Variants in DOCK1 observed in about 807,000 individuals in gnomAD.
The protein encoded by DOCK1 is dedicator of cytokinesis protein 1.
Under a neutral mutation model 262.7 loss-of-function variants are expected in DOCK1, and 138 were observed. That is an observed-to-expected ratio of 0.53 (90% CI 0.46 to 0.61). The LOEUF is 0.61. DOCK1 is among the 20% of genes least tolerant of loss of function. The pLI, the probability that DOCK1 is intolerant of heterozygous loss-of-function variation, is 0.00. For synonymous variants in DOCK1, 866 were observed against 867.4 expected, an observed-to-expected ratio of 1.00 and a Z score of 0.03; for missense variants, 1,908 against 2,370.7, an observed-to-expected ratio of 0.80 and a Z score of 4.05.
chr10:127,368,460 C>T (rs35748949), intron 33 of DOCK1, among the ~76,000 whole-genome samples: 44,519 of 151,920 alleles, frequency 0.29, 6,697 homozygotes, highest in South Asian at 0.33. Flanking sequence ...CGAGACACCA[C>T]CACAGCTGCG....
intron 29 of DOCK1, among the ~76,000 whole-genome samples, chr10:127,326,377 C>G (rs2062748578): frequency 6.6e-6 from 1 of 152,214 alleles, no homozygotes; most frequent in South Asian, 2.1e-4. Context: ...AATCCTTTGT[C>G]ATTTCAACAA....
At chr10:127,170,856 C>T (rs1190545837) in intron 27 of DOCK1, among the ~76,000 whole-genome samples, 1 of 152,158 alleles carries the variant, frequency 6.6e-6, no homozygotes. Flanking sequence ...CTGAAATAAG[C>T]AGGATAATTC....
At chr10:127,352,713 C>T (rs1211041687) in intron 31 of DOCK1, among the ~76,000 whole-genome samples, 1 of 152,168 alleles carries the variant, frequency 6.6e-6, no homozygotes, top group Non-Finnish European at 1.5e-5. Context: ...CTGCCTCAGA[C>T]TCCCAAGTAG....
At chr10:127,397,133 G>T (rs1393093771) in intron 38 of DOCK1, among the ~76,000 whole-genome samples, 15 of 145,628 alleles carry the variant, frequency 1.0e-4, no homozygotes, top group African/African-American at 3.8e-4. Context: ...TATGTGATCT[G>T]AGCATCAGTT....
chr10:127,128,406 A>G (rs1378478411), intron 27 of DOCK1, among the ~76,000 whole-genome samples: 3 of 137,562 alleles, frequency 2.2e-5, no homozygotes, highest in African/African-American at 8.3e-5. Flanking sequence ...AATTTCTGGG[A>G]TACATGTGCA....
At chr10:127,114,758 TC>T (rs1467049945) in intron 25 of DOCK1, among the ~76,000 whole-genome samples, 1,263 of 101,212 alleles carry the variant, frequency 0.012, 15 homozygotes, top group African/African-American at 0.039. Flanking sequence ...TTTTTTTCTT[TC>T]TTTTTTTTTT....
chr10:126,988,379 A>C (rs1352778316), intron 5 of DOCK1: 1 of 152,230 alleles, frequency 6.6e-6, no homozygotes, highest in East Asian at 1.9e-4. Context: ...GAGAACATAG[A>C]AAACTTCCTA....
In DOCK1 at chr10:127,298,935, G is replaced by A. The variant is rs1040685705; in HGVS notation, c.3045-40071G>A. Among the ~76,000 whole-genome samples, 5 of 152,298 alleles carry A rather than the reference G, an allele frequency of 3.3e-5. No individual in the cohort carries two copies. In the East Asian group the frequency reaches 7.7e-4, roughly 24 times the overall value. On this transcript the variant is annotated intron_variant, in intron 29 of 51. Transcript: ENST00000623213. Reference sequence around the variant, plus strand: ...GGATGATCTCGAGGTGGTCCAGGGAGATGGGATAGAGTCAGCCAAGGTGTC... The same window carrying A: ...GGATGATCTCGAGGTGGTCCAGGGAAATGGGATAGAGTCAGCCAAGGTGTC...
chr10:127,361,595 C>T (rs2064453844), intron 32 of DOCK1, among the ~76,000 whole-genome samples: 1 of 151,600 alleles, frequency 6.6e-6, no homozygotes, highest in African/African-American at 2.4e-5. Flanking sequence ...GCAAACTCAT[C>T]TTCATAAGAT....
intron 1 of DOCK1, among the ~76,000 whole-genome samples, chr10:126,921,086 G>A (rs961065156): frequency 3.3e-5 from 5 of 151,874 alleles, no homozygotes; most frequent in Non-Finnish European, 7.4e-5. Flanking sequence ...TGTAATACCA[G>A]CTACTGGGGA....
In DOCK1 at chr10:127,362,099, G is replaced by C; in HGVS notation, c.3319G>C (p.Gly1107Arg). The part of the protein sequence containing the change: ...HKIKFIPEMV[G>R]PILEMTLIPE... ...GATAAAGTTCATTCCAGAAATGGTG[G>C]GCCCAATATTAGAAATGACATTAAT... Residue 1107 changes from glycine to arginine, a missense_variant, in exon 33 of 52, where the codon GGC becomes CGC. Physicochemically the swap from Gly to Arg is moderately radical, Grantham distance 125. Transcript: ENST00000623213. 1.9e-6 allele frequency: 3 copies of C among 1,612,990 alleles called. No individual in the cohort carries two copies. The highest frequency in any genetic ancestry group is 2.5e-6 in the Non-Finnish European group (3 of 1,179,620).
At chr10:126,997,699 A>G (rs1056725976) in intron 7 of DOCK1, 2 of 218,894 alleles carry the variant, frequency 9.1e-6, no homozygotes, top group South Asian at 7.8e-5. Context: ...TGTTAATTCA[A>G]CAAGTACTTA....
intron 27 of DOCK1, among the ~76,000 whole-genome samples, chr10:127,133,216 A>G (rs2050429513): frequency 6.6e-6 from 1 of 152,152 alleles, no homozygotes; most frequent in Non-Finnish European, 1.5e-5. Context: ...AATGGTATTA[A>G]TAGAATTGGT....
chr10:126,951,500 A>G (rs2036239663), intron 1 of DOCK1, among the ~76,000 whole-genome samples: 2 of 148,632 alleles, frequency 1.3e-5, no homozygotes, highest in Admixed American at 6.7e-5. Context: ...GATAGTGGTG[A>G]TGGTGGTAAT....
intron 29 of DOCK1, among the ~76,000 whole-genome samples, chr10:127,275,317 C>T (rs1273190861): frequency 1.3e-5 from 2 of 151,970 alleles, no homozygotes; most frequent in East Asian, 3.9e-4. Flanking sequence ...TAGAAATTAA[C>T]AGAGAAGTAA....
At position 126,998,122 on chromosome 10, in the gene DOCK1, C is replaced by A. The variant is rs749458340; in HGVS notation, c.640C>A (p.Gln214Lys). 6.2e-7 allele frequency: 1 copy of A among 1,613,916 alleles called. No homozygotes were observed. The highest frequency in any genetic ancestry group is 1.3e-5 in the African/African-American group (1 of 74,936). Residue 214 changes from glutamine to lysine, a missense_variant, in exon 8 of 52, where the codon CAA becomes AAA. Coordinates refer to ENST00000623213, the MANE Select transcript of DOCK1 (RefSeq NM_001290223.2). ...SQKQNIDINR[Q>K]AKFAATPSLA... is the part of the protein sequence containing the mutation. ...AAAGCAGAACATAGATATTAACAGA[C>A]AAGCCAAGTTTGCTGCAACCCCTTC... is the stretch of plus-strand genomic sequence containing the variant.
At position 127,018,724 on chromosome 10, in the gene DOCK1, T is replaced by C. The variant is rs1373737045; in HGVS notation, c.1216T>C (p.Leu406=). The C allele has an allele frequency of 3.1e-6, 5 of 1,614,044 alleles. No individual in the cohort carries two copies. Among genetic ancestry groups the C allele is most frequent in the East Asian group, 2.2e-5 (1 of 44,886 alleles). The change falls in exon 13 of 52, where the codon TTG becomes CTG. Residue 406 remains leucine, a synonymous_variant. Transcript: ENST00000623213. ...TGTTTTTCCAGGTTTGTGGGTAACA[T>C]TGAAATTACTTCCTGGAGATATCCA... ...NHKGQGLWVT[L]KLLPGDIHQI...
intron 29 of DOCK1, among the ~76,000 whole-genome samples, chr10:127,281,803 G>C (rs1225137761): frequency 6.6e-6 from 1 of 152,116 alleles, no homozygotes. Context: ...TATCAATTCA[G>C]ATGAGTAGAT....
At chr10:127,243,608 A>G (rs2059335915) in intron 27 of DOCK1, among the ~76,000 whole-genome samples, 1 of 152,154 alleles carries the variant, frequency 6.6e-6, no homozygotes, top group Admixed American at 6.5e-5. Flanking sequence ...AACACATTTA[A>G]AACTGGGGCA....
Sources: gnomAD v4.1 joint callset for allele counts (sites outside exome capture counted in the v4.1 genomes callset) on GRCh38, gnomAD v4.1.1 for gene constraint, MANE v1.5 for transcripts, NCBI Gene and HGNC (gene_info 2026-07-23, HGNC 2026-07-21) for gene names.